MYT1L: variants seen among roughly 807,000 people sequenced by gnomAD.
MYT1L encodes the protein myelin transcription factor 1-like protein.
A neutral mutation model predicts 126.7 loss-of-function variants in MYT1L; 12 were observed. That is an observed-to-expected ratio of 0.09 (90% CI 0.06 to 0.15). The LOEUF (loss-of-function observed/expected upper bound fraction) is 0.15. Among genes scored for constraint, MYT1L ranks in the 10% least tolerant of loss-of-function variants. MYT1L has a pLI of 1.00. For missense variants in MYT1L, 979 were observed against 1,585.2 expected, an observed-to-expected ratio of 0.62 and a Z score of 6.49; for synonymous variants, 541 against 604.2, an observed-to-expected ratio of 0.90 and a Z score of 1.53.
At chr2:1,968,702 A>G (rs1024100150) in intron 8 of MYT1L, among the ~76,000 whole-genome samples, 2 of 152,090 alleles carry the variant, frequency 1.3e-5, no homozygotes, top group African/African-American at 4.8e-5. Context: ...TAAGGGTAAA[A>G]GAGGGCCCTA....
chr2:1,922,596 G>C lies in MYT1L; in HGVS notation c.1173C>G (p.Pro391=), dbSNP rs1186344342. The change falls in exon 10 of 25, where the codon CCC becomes CCG. Residue 391 remains proline, a synonymous_variant. Transcript: ENST00000647738. The surrounding 1 kb of genome is among the most constrained non-coding windows in gnomAD (Gnocchi z 7.4). ...NLMRLEEQLS[P]RSRVFASCAK... Reference sequence around the variant, plus strand: ...CACAGCTGGCAAACACTCTCGACCGGGGGCTCAACTGCTCCTCCAGCCGCA... The same window carrying C: ...CACAGCTGGCAAACACTCTCGACCGCGGGCTCAACTGCTCCTCCAGCCGCA... 5 of 1,613,828 alleles carry C rather than the reference G, an allele frequency of 3.1e-6. No homozygotes were observed. The highest frequency in any genetic ancestry group is 4.2e-6 in the Non-Finnish European group (5 of 1,179,900).
At chr2:1,829,021 T>C (rs939480780) in intron 21 of MYT1L, among the ~76,000 whole-genome samples, 22 of 152,152 alleles carry the variant, frequency 1.4e-4, no homozygotes, top group African/African-American at 5.1e-4. Context: ...GCACTGCACA[T>C]GAGAGAGAAG....
rs531573501 is a variant in MYT1L, at chr2:2,275,097, C to T, written c.-421+9307G>A. 1.5e-3 allele frequency among the ~76,000 whole-genome samples: 232 copies of T among 152,158 alleles called. 3 individuals carry two copies. The South Asian group carries it at 0.039, about 26-fold the overall frequency. ...GGGTGGGGACCACAGCTGGAGAGTG[C>T]TGGTGGTTGGATGTCACCTTGGGCA... On this transcript the variant is annotated intron_variant, in intron 2 of 24. Transcript: ENST00000647738.
intron 3 of MYT1L, among the ~76,000 whole-genome samples, chr2:2,120,843 T>C (rs13428884): frequency 0.073 from 11,133 of 151,540 alleles, 1,308 homozygotes; most frequent in African/African-American, 0.25. Flanking sequence ...ACCTCGCTCA[T>C]AGCGACCACC....
At chr2:1,858,743 T>C (rs577227250) in intron 18 of MYT1L, among the ~76,000 whole-genome samples, 42 of 152,382 alleles carry the variant, frequency 2.8e-4, no homozygotes, top group African/African-American at 9.1e-4. Flanking sequence ...TCAGTGATTT[T>C]GTCTTCTTTT....
chr2:1,881,204 C>A (rs1457924515), intron 18 of MYT1L, among the ~76,000 whole-genome samples: 1 of 152,148 alleles, frequency 6.6e-6, no homozygotes, highest in Non-Finnish European at 1.5e-5. Flanking sequence ...TAGCCTCTTC[C>A]ACTGGGCCTA....
chr2:2,027,851 C>T (rs772207905), intron 4 of MYT1L, among the ~76,000 whole-genome samples: 3 of 152,118 alleles, frequency 2.0e-5, no homozygotes, highest in Non-Finnish European at 2.9e-5. Context: ...TGTCAGTGGC[C>T]AAGGGCTCCT....
At chr2:2,098,912 C>T (rs1327406157) in intron 3 of MYT1L, among the ~76,000 whole-genome samples, 2 of 152,118 alleles carry the variant, frequency 1.3e-5, no homozygotes, top group African/African-American at 4.8e-5. Flanking sequence ...AGCTGGACAA[C>T]CCACCAACAA....
intron 1 of MYT1L, among the ~76,000 whole-genome samples, chr2:2,322,375 C>T (rs2149703083): frequency 6.6e-6 from 1 of 152,206 alleles, no homozygotes; most frequent in Non-Finnish European, 1.5e-5. Flanking sequence ...GGCTGCTTTT[C>T]TTTCCAAAGT....
Position 1,979,696 on chromosome 2 carries a change from T to G in MYT1L, c.55+27A>C. 14 of 1,613,934 alleles carry G rather than the reference T, an allele frequency of 8.7e-6. No homozygotes were observed. Among genetic ancestry groups the G allele is most frequent in the Non-Finnish European group, 1.2e-5 (14 of 1,179,838 alleles). ...GGATGAAGGTGACCCTGAGCCGGCC[T>G]CAGGATGCAGGGAAGCGCGGACATA... On this transcript the variant is annotated intron_variant, in intron 6 of 24. Coordinates refer to ENST00000647738, the MANE Select transcript of MYT1L (RefSeq NM_001303052.2). This position sits in a 1 kb window ranked among gnomAD's most constrained non-coding sequence, Gnocchi z 4.0.
intron 18 of MYT1L, among the ~76,000 whole-genome samples, chr2:1,883,522 T>C (rs1433348364): frequency 6.6e-6 from 1 of 152,220 alleles, no homozygotes; most frequent in Admixed American, 6.5e-5. Context: ...TCAGAGCTCA[T>C]GGTGGGCAGA....
rs371252898 is a variant in MYT1L at position 2,263,522 on chromosome 2, G to A, written c.-421+20882C>T. On this transcript the variant is annotated intron_variant, in intron 2 of 24. Transcript: ENST00000647738. ...AAGGCCTTTTGCACACAGATACCAAGCAAGACAAGGGACTAACAGAGCATA... is the reference window on the plus strand; with the variant it reads ...AAGGCCTTTTGCACACAGATACCAAACAAGACAAGGGACTAACAGAGCATA... Among the ~76,000 whole-genome samples, 7 of 152,152 alleles carry A rather than the reference G, an allele frequency of 4.6e-5. No individual in the cohort carries two copies. In the East Asian group the frequency reaches 7.7e-4, roughly 17 times the overall value.
At chr2:2,034,290 ATAATCTCC>A (rs2066764072) in intron 4 of MYT1L, among the ~76,000 whole-genome samples, 2 of 145,632 alleles carry the variant, frequency 1.4e-5, no homozygotes, top group African/African-American at 2.5e-5. Context: ...ACTTCTCCCC[ATAATCTCC>A]ACCCTCCCAA....
chr2:2,219,948 A>G (rs961563316), intron 2 of MYT1L, among the ~76,000 whole-genome samples: 1 of 149,812 alleles, frequency 6.7e-6, no homozygotes, highest in African/African-American at 2.5e-5. Context: ...TTTCTAACAC[A>G]GCCATCTTTC....
At chr2:1,856,566 A>T (rs1401594457) in intron 18 of MYT1L, among the ~76,000 whole-genome samples, 2 of 152,134 alleles carry the variant, frequency 1.3e-5, no homozygotes, top group African/African-American at 4.8e-5. Flanking sequence ...CAAAACCATA[A>T]CCTGAAGCAG....
At chr2:2,262,349 G>C (rs2094990460) in intron 2 of MYT1L, among the ~76,000 whole-genome samples, 1 of 151,972 alleles carries the variant, frequency 6.6e-6, no homozygotes. Flanking sequence ...GGGTGACAGA[G>C]AAAGACTCCG....
chr2:1,833,955 T>C (rs183823184), intron 21 of MYT1L, among the ~76,000 whole-genome samples: 28 of 152,282 alleles, frequency 1.8e-4, no homozygotes, highest in African/African-American at 5.8e-4. Flanking sequence ...GGCCAGGGGC[T>C]CCTGTCAGGT....
chr2:2,134,856 A>C (rs1233067333), intron 3 of MYT1L, among the ~76,000 whole-genome samples: 2 of 152,170 alleles, frequency 1.3e-5, no homozygotes, highest in African/African-American at 4.8e-5. Context: ...ATTGCAAAGG[A>C]GGGCACCACC....
chr2:1,802,598 G>A (rs993824609), intron 22 of MYT1L, among the ~76,000 whole-genome samples: 2 of 152,182 alleles, frequency 1.3e-5, no homozygotes, highest in African/African-American at 2.4e-5. Flanking sequence ...CTGCCCTGCC[G>A]AGGTCCCTGG....
Sources: allele counts gnomAD v4.1 joint callset (sites outside exome capture counted in the v4.1 genomes callset), GRCh38; gene constraint gnomAD v4.1.1; non-coding constraint Gnocchi (gnomAD v3.1); transcripts MANE v1.5; gene names NCBI Gene and HGNC (gene_info 2026-07-23, HGNC 2026-07-21).